GATA5: variants seen among roughly 807,000 people sequenced by gnomAD.
The protein encoded by GATA5 is transcription factor GATA-5.
In GATA5, 27 loss-of-function variants were observed where a neutral mutation model predicts 35.0. The ratio of observed to expected loss-of-function variants is 0.77; its 90% CI spans 0.57 to 1.06. GATA5 has a LOEUF of 1.06. Among genes scored for constraint, GATA5 ranks in the 50% least tolerant of loss-of-function variants. GATA5 has a pLI of 0.00. For missense variants in GATA5, 612 were observed against 580.0 expected, an observed-to-expected ratio of 1.06 and a Z score of -0.57; for synonymous variants, 306 against 267.8, an observed-to-expected ratio of 1.14 and a Z score of -1.39.
Position 62,475,297 on chromosome 20 carries a change from GA to G in GATA5, c.224del (p.Phe75SerfsTer72). The stretch of plus-strand genomic sequence containing the variant: ...CTGGGGGGTGCGGACTGCCCGGGCC[GA>G]AGGCCGACGAATCCGCGGTGGCTGT... ...AQTATADSSA[F>X]GPGSPHPPAA... On this transcript the variant is annotated frameshift_variant, in exon 2 of 7. Coordinates refer to ENST00000252997, the MANE Select transcript of GATA5 (RefSeq NM_080473.5). LOFTEE classifies it high-confidence loss of function. 8.0e-7 allele frequency: 1 copy of G among 1,244,968 alleles called. No individual in the cohort carries two copies. Among genetic ancestry groups the G allele is most frequent in the Non-Finnish European group, 1.0e-6 (1 of 994,540 alleles). The allele number at this position is 1,244,968 out of a possible 1,614,324, so 77.1% of individuals were successfully genotyped here.
In GATA5 at chr20:62,464,916, G is replaced by A. The variant is rs1989540835; in HGVS notation, c.1114C>T (p.Pro372Ser). ...GCCTGGGGGCTTGGGGCCGTGGAGG[G>A]GAAGGCAAAGTCCTCAGGCTCGAAC... ...FKFEPEDFAF[P>S]STAPSPQAGL... The change falls in exon 7 of 7, where the codon CCC becomes TCC. Residue 372 changes from proline to serine, a missense_variant. Transcript: ENST00000252997. 3 of 1,611,498 alleles carry A rather than the reference G, an allele frequency of 1.9e-6. No homozygotes were observed. Among genetic ancestry groups the A allele is most frequent in the East Asian group, 2.2e-5 (1 of 44,800 alleles).
At chr20:62,472,669 G>T (rs927798616) in intron 3 of GATA5, among the ~76,000 whole-genome samples, 24 of 152,338 alleles carry the variant, frequency 1.6e-4, no homozygotes, top group African/African-American at 5.8e-4. Flanking sequence ...GAAAGTAAAG[G>T]TTTGCCTGGG....
In GATA5 at chr20:62,470,341, GA is replaced by G; in HGVS notation, c.699+3061del. ...CAGTGCAGCAGCCTCCTCTGAGATG[GA>G]AGACTGGGCCGTGGACAACCAGAGG... is the stretch of plus-strand genomic sequence containing the variant. On this transcript the variant is annotated intron_variant, in intron 3 of 6. Coordinates refer to ENST00000252997, the MANE Select transcript of GATA5 (RefSeq NM_080473.5). This position sits in a 1 kb window ranked among gnomAD's most constrained non-coding sequence, Gnocchi z 4.6. 6.6e-6 allele frequency among the ~76,000 whole-genome samples: 1 copy of G among 152,350 alleles called. No individual in the cohort carries two copies. The highest frequency in any genetic ancestry group is 1.9e-4 in the East Asian group (1 of 5,176).
Position 62,464,779 on chromosome 20 carries a change from T to G in GATA5, c.*57A>C. Reference sequence around the variant, plus strand: ...TGCTGGAGCAAAGCAGGCACGGAGGTGACTCAGTGGGTGGTCTGTTCCAGG... The same window carrying G: ...TGCTGGAGCAAAGCAGGCACGGAGGGGACTCAGTGGGTGGTCTGTTCCAGG... On this transcript the variant is annotated 3_prime_UTR_variant, in exon 7 of 7. Coordinates refer to ENST00000252997, the MANE Select transcript of GATA5 (RefSeq NM_080473.5). 2 of 1,425,668 alleles carry G rather than the reference T, an allele frequency of 1.4e-6. No individual in the cohort carries two copies. The highest frequency in any genetic ancestry group is 9.4e-7 in the Non-Finnish European group (1 of 1,061,044). The allele number at this position is 1,425,668 out of a possible 1,614,324, so 88.3% of individuals were successfully genotyped here.
intron 3 of GATA5, among the ~76,000 whole-genome samples, chr20:62,471,115 C>G (rs2146485815): frequency 6.6e-6 from 1 of 152,292 alleles, no homozygotes; most frequent in East Asian, 1.9e-4. Context: ...TGCCCCAGCC[C>G]AGGAGTCTGG....
rs148845867 is a variant in GATA5 at position 62,464,558 on chromosome 20, G to A, written c.*278C>T. On this transcript the variant is annotated 3_prime_UTR_variant, in exon 7 of 7. Coordinates refer to ENST00000252997, the MANE Select transcript of GATA5 (RefSeq NM_080473.5). Reference sequence around the variant, plus strand: ...GCCCTGCGTTGGCCTCCGCCGCAGGGGGCCAGTGTGGTCCGGAGCCTTGGG... The same window carrying A: ...GCCCTGCGTTGGCCTCCGCCGCAGGAGGCCAGTGTGGTCCGGAGCCTTGGG... 2.1e-4 allele frequency: 68 copies of A among 331,270 alleles called. No individual in the cohort carries two copies. In the East Asian group the frequency reaches 3.2e-3, roughly 15 times the overall value. The allele number at this position is 331,270 out of a possible 1,614,324, so 20.5% of individuals were successfully genotyped here. A position where few individuals can be genotyped will look rare whatever the true frequency, so the allele number is the denominator to read the frequency against.
chr20:62,471,480 G>A (rs1555896539), intron 3 of GATA5, among the ~76,000 whole-genome samples: 1 of 78,132 alleles, frequency 1.3e-5, no homozygotes, highest in Non-Finnish European at 2.6e-5. Context: ...TGCCCAGGCT[G>A]GAGTGCAGTG....
chr20:62,466,435 C>A lies in GATA5; in HGVS notation c.816G>T (p.Lys272Asn), dbSNP rs1989590388. ...CGGGGACCACACTCACCCCGTGCAG[C>A]TTCATGTAGAGGCCGCAGGCATTGC... The part of the protein sequence containing the change: ...PVCNACGLYM[K>N]LHGVPRPLAM... The change falls in exon 4 of 7, where the codon AAG becomes AAT. Residue 272 changes from lysine to asparagine, a missense_variant. Coordinates refer to ENST00000252997, the MANE Select transcript of GATA5 (RefSeq NM_080473.5). 5 of 1,586,620 alleles carry A rather than the reference C, an allele frequency of 3.2e-6. No homozygotes were observed. Among genetic ancestry groups the A allele is most frequent in the Non-Finnish European group, 4.3e-6 (5 of 1,166,948 alleles).
chr20:62,475,401 A>G lies in GATA5; in HGVS notation c.121T>C (p.Ser41Pro). 1 of 1,356,148 alleles carries G rather than the reference A, an allele frequency of 7.4e-7. No individual in the cohort carries two copies. The highest frequency in any genetic ancestry group is 1.9e-5 in the South Asian group (1 of 54,032). The allele number at this position is 1,356,148 out of a possible 1,614,324, so 84.0% of individuals were successfully genotyped here. A position where few individuals can be genotyped will look rare whatever the true frequency, so the allele number is the denominator to read the frequency against. The change falls in exon 2 of 7, where the codon TCG (serine) becomes CCG (proline). Residue 41 changes from serine to proline, a missense_variant. Ser to Pro is a moderately conservative substitution (Grantham distance 74). Transcript: ENST00000252997. ...PMFVPPARVP[S>P]MLSYLSGCEP... Reference sequence around the variant, plus strand: ...CACCCGGACAGGTAGGACAGCATCGAGGGGACGCGCGCCGGCGGCACAAAC... The same window carrying G: ...CACCCGGACAGGTAGGACAGCATCGGGGGGACGCGCGCCGGCGGCACAAAC...
chr20:62,465,988 C>A, intron 4 of GATA5, 67 bp from the exon 5 acceptor site: 1 of 1,118,166 alleles, frequency 8.9e-7, no homozygotes, highest in Non-Finnish European at 1.3e-6. Context: ...TGCACAGCAC[C>A]CCCTCATTCC....
In GATA5 at chr20:62,465,941, T is replaced by C; in HGVS notation, c.826-20A>G. On this transcript the variant is annotated intron_variant, in intron 4 of 6. Coordinates refer to ENST00000252997, the MANE Select transcript of GATA5 (RefSeq NM_080473.5). ...CGGCACCTGGCAGGGGTGGCGAGGGTGGAGGCTGGTCCCATCCCTGCTCAC... is the reference window on the plus strand; with the variant it reads ...CGGCACCTGGCAGGGGTGGCGAGGGCGGAGGCTGGTCCCATCCCTGCTCAC... 1 of 1,546,120 alleles carries C rather than the reference T, an allele frequency of 6.5e-7. No individual in the cohort carries two copies. Among genetic ancestry groups the C allele is most frequent in the Non-Finnish European group, 8.8e-7 (1 of 1,138,892 alleles).
intron 3 of GATA5, among the ~76,000 whole-genome samples, chr20:62,467,035 G>T (rs1601515517): frequency 6.6e-6 from 1 of 152,226 alleles, no homozygotes; most frequent in South Asian, 2.1e-4. Context: ...GAGGGCTCCG[G>T]GTCCCACCTG....
chr20:62,468,424 G>A (rs1448436587), intron 3 of GATA5, among the ~76,000 whole-genome samples: 1 of 152,234 alleles, frequency 6.6e-6, no homozygotes, highest in South Asian at 2.1e-4. Flanking sequence ...CCGTCCTGTC[G>A]AAGGCCTGAG....
intron 3 of GATA5, among the ~76,000 whole-genome samples, chr20:62,469,288 T>G (rs560415714): frequency 6.6e-6 from 1 of 152,350 alleles, no homozygotes; most frequent in African/African-American, 2.4e-5. Flanking sequence ...AATATTTGTG[T>G]TTATCTGAAA....
intron 3 of GATA5, 83 bp downstream of exon 3, chr20:62,473,320 T>G (rs1161138313): frequency 1.4e-6 from 2 of 1,448,796 alleles, no homozygotes; most frequent in East Asian, 2.5e-5. Flanking sequence ...CCCCAGGGGC[T>G]CTGGTGTCAC....
chr20:62,473,282 C>G (rs1311118170), intron 3 of GATA5, 121 bp downstream of exon 3: 1 of 1,118,920 alleles, frequency 8.9e-7, no homozygotes, highest in African/African-American at 1.6e-5. Flanking sequence ...GGCACCCAGG[C>G]TGTTTTTGGG....
At chr20:62,472,609 T>A (rs1989750440) in intron 3 of GATA5, among the ~76,000 whole-genome samples, 1 of 152,144 alleles carries the variant, frequency 6.6e-6, no homozygotes, top group Non-Finnish European at 1.5e-5. Flanking sequence ...CAATTTTAGA[T>A]AACTTGCAAA....
intron 3 of GATA5, among the ~76,000 whole-genome samples, chr20:62,468,147 G>A (rs956758359): frequency 6.2e-5 from 9 of 144,032 alleles, no homozygotes; most frequent in East Asian, 2.0e-4. Context: ...CGGCTTCCCC[G>A]TCTGTTACAG....
chr20:62,474,865 G>A (rs925613388), intron 2 of GATA5, 134 bp downstream of exon 2: 28 of 688,806 alleles, frequency 4.1e-5, no homozygotes, highest in Admixed American at 1.3e-4. Flanking sequence ...GTCTCGCCCC[G>A]GGGCTGCTGG....
Sources: allele counts gnomAD v4.1 joint callset (sites outside exome capture counted in the v4.1 genomes callset), GRCh38; gene constraint gnomAD v4.1.1; non-coding constraint Gnocchi (gnomAD v3.1); transcripts MANE v1.5; gene names NCBI Gene and HGNC (gene_info 2026-07-23, HGNC 2026-07-21).